The following CGNL1 variants were observed in gnomAD, a reference collection of about 807,000 sequenced individuals.
CGNL1 encodes cingulin like 1.
A neutral mutation model predicts 141.2 loss-of-function variants in CGNL1; 132 were observed. The observed-to-expected ratio is 0.93, with a 90% CI of 0.81 to 1.08. The LOEUF (loss-of-function observed/expected upper bound fraction) is 1.08, where lower values mean the gene tolerates loss of function less well. CGNL1 is among the 50% of genes least tolerant of loss of function. The pLI, the probability that CGNL1 is intolerant of heterozygous loss-of-function variation, is 0.00. For missense variants in CGNL1, 1,870 were observed against 1,588.6 expected, an observed-to-expected ratio of 1.18 and a Z score of -3.01; for synonymous variants, 690 against 622.1, an observed-to-expected ratio of 1.11 and a Z score of -1.63.
intron 1 of CGNL1, among the ~76,000 whole-genome samples, chr15:57,379,052 G>T (rs1000930140): frequency 1.5e-4 from 23 of 151,544 alleles, no homozygotes; most frequent in South Asian, 8.4e-4. Flanking sequence ...TTTTTTTTGT[G>T]TGTGTGTGTG....
At position 57,446,467 on chromosome 15, in the gene CGNL1, A is replaced by G. The variant is rs114233096; in HGVS notation, c.1803+3989A>G. Among the ~76,000 whole-genome samples, 753 of 152,166 alleles carry G rather than the reference A, an allele frequency of 4.9e-3. 2 individuals are homozygous for G. The highest frequency in any genetic ancestry group is 0.017 in the African/African-American group (709 of 41,498). On this transcript the variant is annotated intron_variant, in intron 4 of 18. Transcript: ENST00000281282. ...TTTTACATACATAAAATTTTACAAT[A>G]TGTATTATAATAAGTATTCTCGTGT...
At chr15:57,434,772 C>G (rs540385145) in intron 1 of CGNL1, among the ~76,000 whole-genome samples, 3 of 152,274 alleles carry the variant, frequency 2.0e-5, no homozygotes, top group African/African-American at 7.2e-5. Context: ...AACCTGGCTT[C>G]TATGTCCAGC....
chr15:57,382,345 G>C (rs759421881), intron 1 of CGNL1, among the ~76,000 whole-genome samples: 1 of 152,172 alleles, frequency 6.6e-6, no homozygotes, highest in East Asian at 1.9e-4. Flanking sequence ...GCGGAGGGTC[G>C]TCATGGAGTT....
chr15:57,542,525 G>A (rs923859463), intron 14 of CGNL1, among the ~76,000 whole-genome samples: 18 of 152,184 alleles, frequency 1.2e-4, no homozygotes, highest in African/African-American at 3.9e-4. Context: ...GCTACACAGC[G>A]AGGCTCCTTT....
chr15:57,490,026 A>C (rs2063836670), intron 8 of CGNL1, among the ~76,000 whole-genome samples: 1 of 152,288 alleles, frequency 6.6e-6, no homozygotes, highest in South Asian at 2.1e-4. Flanking sequence ...TACTGATGGT[A>C]ACTTGGTCAC....
At chr15:57,503,248 G>A (rs1390325473) in intron 8 of CGNL1, among the ~76,000 whole-genome samples, 2 of 152,232 alleles carry the variant, frequency 1.3e-5, no homozygotes, top group East Asian at 3.8e-4. Flanking sequence ...CTCCTGATGA[G>A]GTGGCCCCAG....
At chr15:57,437,619 C>CAAAAAAAAAAAAAAAAAAA (rs540499763) in intron 1 of CGNL1, among the ~76,000 whole-genome samples, 21 of 36,074 alleles carry the variant, frequency 5.8e-4, no homozygotes, top group South Asian at 1.3e-3. Flanking sequence ...AACTAAACAG[C>CAAAAAAAAAAAAAAAAAAA]AAAAAAAAAA....
chr15:57,452,420 C>A, intron 6 of CGNL1, 131 bp downstream of exon 6: 1 of 781,120 alleles, frequency 1.3e-6, no homozygotes, highest in Non-Finnish European at 2.0e-6. Context: ...CCTTTTCTTC[C>A]TCTTATCTTT....
Position 57,438,544 on chromosome 15 carries a change from G to C in CGNL1, c.545G>C (p.Gly182Ala). ...TGGCTAAAAACGTTGACAGAAGAAGGCATCAACAATAAGAAGCCTTGGACT... is the reference window on the plus strand; with the variant it reads ...TGGCTAAAAACGTTGACAGAAGAAGCCATCAACAATAAGAAGCCTTGGACT... ...SNWLKTLTEEGINNKKPWTCF... is the reference protein window; with the variant it reads ...SNWLKTLTEEAINNKKPWTCF... Residue 182 changes from glycine (G) to alanine (A), a missense_variant, in exon 2 of 19, where the codon GGC becomes GCC. By Grantham distance (60) the Gly-to-Ala change is moderately conservative (BLOSUM62 0). Coordinates refer to ENST00000281282, the MANE Select transcript of CGNL1 (RefSeq NM_032866.5). The C allele has an allele frequency of 6.2e-7, 1 of 1,613,824 alleles. No individual in the cohort carries two copies. The highest frequency in any genetic ancestry group is 1.1e-5 in the South Asian group (1 of 91,088).
At chr15:57,453,845 T>C (rs760402327) in intron 7 of CGNL1, 27 bp downstream of exon 7, 2 of 1,611,116 alleles carry the variant, frequency 1.2e-6, no homozygotes, top group Non-Finnish European at 1.7e-6. Flanking sequence ...GGTCAGGTGA[T>C]AAGACAGGCC....
intron 4 of CGNL1, 98 bp from the exon 5 acceptor site, chr15:57,451,402 C>A: frequency 1.2e-6 from 1 of 814,996 alleles, no homozygotes; most frequent in Admixed American, 2.5e-5. Context: ...AGTGTTATGC[C>A]TCATCTGTTA....
chr15:57,439,583 T>C lies in CGNL1; in HGVS notation c.1584T>C (p.Pro528=). The change falls in exon 2 of 19, where the codon CCT becomes CCC. Residue 528 remains proline (P), a synonymous_variant. Coordinates refer to ENST00000281282, the MANE Select transcript of CGNL1 (RefSeq NM_032866.5). The part of the protein sequence containing the change: ...GAKKISVKTF[P]SASNTQATPD... ...AGAAAATTTCCGTGAAGACATTTCC[T>C]TCGGCCTCAAATACTCAGGTAACAC... 2 of 1,613,400 alleles carry C rather than the reference T, an allele frequency of 1.2e-6. No homozygotes were observed. The highest frequency in any genetic ancestry group is 1.7e-6 in the Non-Finnish European group (2 of 1,179,968).
At chr15:57,415,320 A>G (rs2062836739) in intron 1 of CGNL1, among the ~76,000 whole-genome samples, 1 of 152,196 alleles carries the variant, frequency 6.6e-6, no homozygotes, top group Non-Finnish European at 1.5e-5. Flanking sequence ...TGCATTATTT[A>G]GGATAATCAC....
intron 14 of CGNL1, among the ~76,000 whole-genome samples, chr15:57,533,220 G>A (rs562735714): frequency 6.6e-5 from 10 of 152,272 alleles, no homozygotes; most frequent in African/African-American, 2.4e-4. Flanking sequence ...TTCTGTCTGC[G>A]TGTTCCCAGG....
rs369729826 is a variant in CGNL1, at chr15:57,412,412, G to A, written c.-15-25573G>A. ...CTGTTCCTTACTCTGCTCTCCTCTG[G>A]CCTCTTTGGTGTGATTATCTTGATG... On this transcript the variant is annotated intron_variant, in intron 1 of 18. Transcript: ENST00000281282. Among the ~76,000 whole-genome samples, 110 of 152,234 alleles carry A rather than the reference G, an allele frequency of 7.2e-4. 2 individuals are homozygous for A. The South Asian group carries it at 0.021, about 30-fold the overall frequency.
chr15:57,402,044 G>A (rs929196172), intron 1 of CGNL1: 70 of 152,178 alleles, frequency 4.6e-4, no homozygotes, highest in African/African-American at 1.5e-3. Flanking sequence ...GTGAGGTAAC[G>A]ATGAAGATGG....
intron 14 of CGNL1, among the ~76,000 whole-genome samples, chr15:57,538,833 C>G (rs1040845482): frequency 6.6e-6 from 1 of 152,202 alleles, no homozygotes; most frequent in Non-Finnish European, 1.5e-5. Context: ...CCTTGTGGGT[C>G]TTCTTCCTTT....
intron 8 of CGNL1, among the ~76,000 whole-genome samples, chr15:57,475,294 T>C (rs2063637777): frequency 6.6e-6 from 1 of 151,994 alleles, no homozygotes; most frequent in South Asian, 2.1e-4. Flanking sequence ...CCTGGTGAGC[T>C]TGGTGCCAGC....
chr15:57,515,131 C>T (rs1053078087), intron 8 of CGNL1, among the ~76,000 whole-genome samples: 5 of 152,116 alleles, frequency 3.3e-5, no homozygotes, highest in African/African-American at 1.2e-4. Flanking sequence ...CTTTATTTCT[C>T]CTCTGTATAT....
Sources: allele counts gnomAD v4.1 joint callset (sites outside exome capture counted in the v4.1 genomes callset), GRCh38; gene constraint gnomAD v4.1.1; transcripts MANE v1.5; gene names NCBI Gene and HGNC (gene_info 2026-07-23, HGNC 2026-07-21).